The following PEX6 variants were observed in gnomAD, a reference collection of about 807,000 sequenced individuals.
The protein encoded by PEX6 is peroxisome biogenesis factor 6.
PEX6 carries 55 observed loss-of-function variants against 85.6 expected under a neutral mutation model. That is an observed-to-expected ratio of 0.64 (90% CI 0.52 to 0.80). PEX6 has a LOEUF of 0.80. PEX6 is among the 30% of genes least tolerant of loss of function. PEX6 has a pLI of 0.00. For missense variants in PEX6, 1,099 were observed against 1,260.3 expected (o/e 0.87, Z 1.94); for synonymous variants, 519 against 549.1 (o/e 0.95, Z 0.77).
In PEX6 at chr6:42,978,639, CCA is replaced by C. The variant is rs61753211; in HGVS notation, c.510_511del (p.Asp172GlnfsTer69). 6.3e-7 allele frequency: 1 copy of C among 1,583,698 alleles called. No individual in the cohort carries two copies. The highest frequency in any genetic ancestry group is 1.8e-5 in the Admixed American group (1 of 55,888). ...CGGGGGTGGGGGCCGACTGCTGTCC[CCA>C]GACTCTGGACACAGTCTGGCCCGCC... On this transcript the variant is annotated frameshift_variant, in exon 1 of 17. Transcript: ENST00000304611. LOFTEE classifies it high-confidence loss of function.
Position 42,966,076 on chromosome 6 carries a change from T to A in PEX6, c.2330A>T (p.Tyr777Phe), listed in dbSNP as rs769680297. ...SVKGPELINM[Y>F]VGQSEENVRE... ...CACATTCTCCTCACTTTGGCCCACA[T>A]ACATGTTAATGAGCTCTGGCCCCTT... Residue 777 changes from tyrosine to phenylalanine, a missense_variant, in exon 12 of 17, where the codon TAT becomes TTT. Tyr to Phe is a conservative substitution (Grantham distance 22). Coordinates refer to ENST00000304611, the MANE Select transcript of PEX6 (RefSeq NM_000287.4). 1 of 1,614,042 alleles carries A rather than the reference T, an allele frequency of 6.2e-7. No homozygotes were observed. Among genetic ancestry groups the A allele is most frequent in the African/African-American group, 1.3e-5 (1 of 74,908 alleles).
Position 42,978,517 on chromosome 6 carries a change from G to A in PEX6, c.634C>T (p.Leu212Phe), listed in dbSNP as rs1049490364. The A allele has an allele frequency of 6.2e-7, 1 of 1,614,106 alleles. No individual in the cohort carries two copies. Among genetic ancestry groups the A allele is most frequent in the Non-Finnish European group, 8.5e-7 (1 of 1,180,018 alleles). Residue 212 changes from leucine to phenylalanine, a missense_variant, in exon 1 of 17, where the codon CTC becomes TTC. By Grantham distance (22) the Leu-to-Phe change is conservative (BLOSUM62 0). This residue lies in a region of PEX6 where 579 missense variants were observed against 611.6 expected (regional missense o/e 0.95). Coordinates refer to ENST00000304611, the MANE Select transcript of PEX6 (RefSeq NM_000287.4). ...CCCTGGAAGAGGCCAAGGCCACGGA[G>A]ACAGCTCCGGCTCACCCCTAGTGAA... Reference protein sequence around the residue: ...GDSLGVSRSCLRGLGLFQGEW... With the variant: ...GDSLGVSRSCFRGLGLFQGEW...
intron 3 of PEX6, among the ~76,000 whole-genome samples, 176 bp downstream of exon 3, chr6:42,973,827 A>G (rs1770154120): frequency 6.6e-6 from 1 of 152,138 alleles, no homozygotes; most frequent in Admixed American, 6.5e-5. Context: ...TTGCACCACT[A>G]AACTCCAGCC....
intron 1 of PEX6, among the ~76,000 whole-genome samples, chr6:42,977,003 T>G (rs766384707): frequency 6.6e-6 from 1 of 152,122 alleles, no homozygotes. Flanking sequence ...AGTTCTAAAT[T>G]CGTGGCTGTG....
intron 3 of PEX6, among the ~76,000 whole-genome samples, chr6:42,970,567 G>A (rs867981915): frequency 9.2e-5 from 14 of 152,228 alleles, no homozygotes; most frequent in South Asian, 2.1e-4. Flanking sequence ...CATTGCCTAT[G>A]AGGGAAGCTA....
rs1769804234 is a variant in PEX6 at position 42,966,329 on chromosome 6, G to A, written c.2213C>T (p.Ser738Leu). 2 of 1,613,570 alleles carry A rather than the reference G, an allele frequency of 1.2e-6. No homozygotes were observed. The highest frequency in any genetic ancestry group is 1.7e-6 in the Non-Finnish European group (2 of 1,180,006). ...PELLSLGLRR[S>L]GLLLHGPPGT... ...AGGGGGCCCATGGAGCAGAAGGCCT[G>A]AGCGTCTCAGGCCCAGGCTCAGTAG... is the stretch of plus-strand genomic sequence containing the variant. Residue 738 changes from serine (S) to leucine (L), a missense_variant, in exon 11 of 17, where the codon TCA becomes TTA. By Grantham distance (145) the Ser-to-Leu change is moderately radical. This residue lies in a region of PEX6 where 514 missense variants were observed against 627.0 expected (regional missense o/e 0.82). Coordinates refer to ENST00000304611, the MANE Select transcript of PEX6 (RefSeq NM_000287.4).
rs1365993435 is a variant in PEX6 at position 42,964,883 on chromosome 6, A to G, written c.2713T>C (p.Cys905Arg). ...SVSLVNVLDC[C>R]PPQLTGADLY... ...TCCGCGCCCGTCAGCTGGGGAGGGCAGCAATCTAGCACGTTTACCAGGCTC... is the reference window on the plus strand; with the variant it reads ...TCCGCGCCCGTCAGCTGGGGAGGGCGGCAATCTAGCACGTTTACCAGGCTC... Residue 905 changes from cysteine to arginine, a missense_variant, in exon 16 of 17, where the codon TGC (cysteine) becomes CGC (arginine). Physicochemically the swap from Cys to Arg is radical, Grantham distance 180. Around this residue, in one of 3 missense-constraint regions of PEX6, gnomAD observed 514 missense variants for 627.0 expected, o/e 0.82. Transcript: ENST00000304611. The surrounding 1 kb of genome is among the most constrained non-coding windows in gnomAD (Gnocchi z 4.6). 1.9e-6 allele frequency: 3 copies of G among 1,614,076 alleles called. No individual in the cohort carries two copies. Among genetic ancestry groups the G allele is most frequent in the African/African-American group, 2.7e-5 (2 of 74,948 alleles).
rs1194553659 is a variant in PEX6, at chr6:42,968,862, A to G, written c.1479+12T>C. On this transcript the variant is annotated intron_variant, in intron 6 of 16. Coordinates refer to ENST00000304611, the MANE Select transcript of PEX6 (RefSeq NM_000287.4). ...GGAAGTAGCTGGGGTTCTACTCTCC[A>G]GAGACCCTCACCTTCAGTAAGTGGA... 24 of 1,586,408 alleles carry G rather than the reference A, an allele frequency of 1.5e-5. No homozygotes were observed. Among genetic ancestry groups the G allele is most frequent in the Non-Finnish European group, 2.0e-5 (23 of 1,154,902 alleles).
At position 42,967,534 on chromosome 6, in the gene PEX6, G is replaced by C. The variant is rs140769712; in HGVS notation, c.1718C>G (p.Thr573Arg). 1 of 1,605,458 alleles carries C rather than the reference G, an allele frequency of 6.2e-7. No individual in the cohort carries two copies. The highest frequency in any genetic ancestry group is 8.5e-7 in the Non-Finnish European group (1 of 1,176,696). The change falls in exon 8 of 17, where the codon ACA becomes AGA. Residue 573 changes from threonine to arginine, a missense_variant. Transcript: ENST00000304611. Reference sequence around the variant, plus strand: ...AGCAGGCAGGTCCTGGGCCCGGCTTGTGGTGGCCACAACCATGAGGGGAGG... The same window carrying C: ...AGCAGGCAGGTCCTGGGCCCGGCTTCTGGTGGCCACAACCATGAGGGGAGG... ...SCPPLMVVAT[T>R]SRAQDLPADV...
At chr6:42,968,797 G>T in intron 6 of PEX6, 77 bp downstream of exon 6, 1 of 1,077,340 alleles carries the variant, frequency 9.3e-7, no homozygotes. Context: ...GGAGGGAGGG[G>T]AGAGGAAGCA....
intron 9 of PEX6, 43 bp downstream of exon 9, chr6:42,966,739 T>A: frequency 6.2e-7 from 1 of 1,613,586 alleles, no homozygotes; most frequent in Admixed American, 1.7e-5. Flanking sequence ...CCCATCTACA[T>A]CCATTTCCTC....
At chr6:42,966,967 G>GTTTTTTTTTTTTTT in intron 8 of PEX6, 109 bp from the exon 9 acceptor site, 1 of 474,760 alleles carries the variant, frequency 2.1e-6, no homozygotes. Context: ...TAGGTTTGTT[G>GTTTTTTTTTTTTTT]TTTTTTTTTT....
At chr6:42,974,504 C>T (rs1254099410) in intron 2 of PEX6, among the ~76,000 whole-genome samples, 31 of 130,212 alleles carry the variant, frequency 2.4e-4, no homozygotes, top group African/African-American at 9.0e-4. Flanking sequence ...GTCGCCCAGG[C>T]TAGAGTGCAG....
At chr6:42,966,973 T>A in intron 8 of PEX6, 115 bp from the exon 9 acceptor site, 1 of 736,720 alleles carries the variant, frequency 1.4e-6, no homozygotes. Context: ...TGTTGTTTTT[T>A]TTTTTTTTTT....
chr6:42,972,901 T>C lies in PEX6; in HGVS notation c.1130+1102A>G, dbSNP rs534004256. Among the ~76,000 whole-genome samples, 8 of 152,282 alleles carry C rather than the reference T, an allele frequency of 5.3e-5. 2 individuals carry two copies. The South Asian group carries it at 1.2e-3, about 24-fold the overall frequency. On this transcript the variant is annotated intron_variant, in intron 3 of 16. Transcript: ENST00000304611. ...TCCTTACGTTGAGATATGGATGGTATGGCCCAAGTCTTGGTCCAAATAACA... is the reference window on the plus strand; with the variant it reads ...TCCTTACGTTGAGATATGGATGGTACGGCCCAAGTCTTGGTCCAAATAACA...
intron 1 of PEX6, among the ~76,000 whole-genome samples, chr6:42,977,928 C>A (rs1356845139): frequency 6.6e-6 from 1 of 150,376 alleles, no homozygotes; most frequent in African/African-American, 2.4e-5. Context: ...ACCGCAACCT[C>A]CGCCTCCCAG....
chr6:42,978,160 A>G (rs964055056), intron 1 of PEX6, 109 bp downstream of exon 1: 11 of 1,350,218 alleles, frequency 8.1e-6, no homozygotes, highest in African/African-American at 1.4e-5. Flanking sequence ...CATTATGTTC[A>G]AAGTCCGGGA....
chr6:42,964,326 G>A lies in PEX6; in HGVS notation c.*9C>T. 1 of 1,613,278 alleles carries A rather than the reference G, an allele frequency of 6.2e-7. No homozygotes were observed. Among genetic ancestry groups the A allele is most frequent in the African/African-American group, 1.3e-5 (1 of 75,052 alleles). On this transcript the variant is annotated 3_prime_UTR_variant, in exon 17 of 17. Transcript: ENST00000304611. This position sits in a 1 kb window ranked among gnomAD's most constrained non-coding sequence, Gnocchi z 4.6. Reference sequence around the variant, plus strand: ...CATGCTGAGCGGGGTCCCAGACCCTGGGGGGCTCCTAGCAGGCAGCAAACT... The same window carrying A: ...CATGCTGAGCGGGGTCCCAGACCCTAGGGGGCTCCTAGCAGGCAGCAAACT...
rs765659001 is a variant in PEX6 at position 42,978,443 on chromosome 6, C to T, written c.708G>A (p.Gln236=). ...GGACCTGCACCCTAGCCAAGTGCGGCTGTGAAGTGTTCGATGACTCTCTGG... is the reference window on the plus strand; with the variant it reads ...GGACCTGCACCCTAGCCAAGTGCGGTTGTGAAGTGTTCGATGACTCTCTGG... ...AQARESSNTS[Q]PHLARVQVLE... Residue 236 remains glutamine (Q), a synonymous_variant, in exon 1 of 17, where the codon CAG becomes CAA. Coordinates refer to ENST00000304611, the MANE Select transcript of PEX6 (RefSeq NM_000287.4). 4 of 1,614,010 alleles carry T rather than the reference C, an allele frequency of 2.5e-6. No homozygotes were observed. In the African/African-American group the frequency reaches 4.0e-5, roughly 16 times the overall value.
Sources: allele counts gnomAD v4.1 joint callset (sites outside exome capture counted in the v4.1 genomes callset), GRCh38; gene constraint gnomAD v4.1.1; regional missense constraint gnomAD v4.1.1; non-coding constraint Gnocchi (gnomAD v3.1); transcripts MANE v1.5; gene names NCBI Gene and HGNC (gene_info 2026-07-23, HGNC 2026-07-21).